The following AGBL4 variants were observed in gnomAD, a reference collection of about 807,000 sequenced individuals.
AGBL4 encodes the protein AGBL carboxypeptidase 4.
A neutral mutation model predicts 66.4 loss-of-function variants in AGBL4; 58 were observed. That is an observed-to-expected ratio of 0.87 (90% CI 0.71 to 1.09). AGBL4 has a LOEUF of 1.09. Ranked by LOEUF, AGBL4 falls within the 50% of genes least tolerant of loss-of-function variation. The pLI, the probability that AGBL4 is intolerant of heterozygous loss-of-function variation, is 0.00. For synonymous variants in AGBL4, 234 were observed against 222.9 expected (o/e 1.05, Z -0.44); for missense variants, 579 against 631.0 (o/e 0.92, Z 0.88).
chr1:49,048,852 T>A (rs1214683382), intron 4 of AGBL4, among the ~76,000 whole-genome samples: 2 of 151,730 alleles, frequency 1.3e-5, no homozygotes, highest in Non-Finnish European at 2.9e-5. Flanking sequence ...GAGCAGCAGA[T>A]CCTGTATTAA....
At chr1:48,818,263 C>A (rs1403285360) in intron 6 of AGBL4, 1 of 717,368 alleles carries the variant, frequency 1.4e-6, no homozygotes, top group Non-Finnish European at 2.6e-6. Context: ...AATTTGCAAT[C>A]AATATTATCT....
At chr1:48,801,280 G>A (rs1645799835) in intron 6 of AGBL4, among the ~76,000 whole-genome samples, 1 of 152,148 alleles carries the variant, frequency 6.6e-6, no homozygotes, top group Non-Finnish European at 1.5e-5. Flanking sequence ...TTCTGGCCTT[G>A]CCCCTCCCTG....
At chr1:49,913,059 A>T (rs928020322) in intron 1 of AGBL4, among the ~76,000 whole-genome samples, 4 of 152,202 alleles carry the variant, frequency 2.6e-5, no homozygotes, top group African/African-American at 9.7e-5. Context: ...TGGCACCCCA[A>T]ATCTCATTTC....
At chr1:49,441,429 G>T (rs1191434481) in intron 3 of AGBL4, among the ~76,000 whole-genome samples, 1 of 152,190 alleles carries the variant, frequency 6.6e-6, no homozygotes, top group Non-Finnish European at 1.5e-5. Flanking sequence ...GGGATTAAAA[G>T]ATGGTCCACT....
At chr1:48,910,024 G>A (rs1206023657) in intron 5 of AGBL4, among the ~76,000 whole-genome samples, 1 of 152,040 alleles carries the variant, frequency 6.6e-6, no homozygotes, top group African/African-American at 2.4e-5. Flanking sequence ...TCTAACTATT[G>A]CAGTCAAATT....
intron 3 of AGBL4, among the ~76,000 whole-genome samples, chr1:49,513,550 T>C (rs1260777764): frequency 6.6e-6 from 1 of 152,036 alleles, no homozygotes; most frequent in Non-Finnish European, 1.5e-5. Flanking sequence ...CTTAGGATTA[T>C]GGCCTCCAGC....
At chr1:49,038,312 A>G (rs1664825875) in intron 5 of AGBL4, among the ~76,000 whole-genome samples, 1 of 152,120 alleles carries the variant, frequency 6.6e-6, no homozygotes, top group South Asian at 2.1e-4. Context: ...AACTGTCCAA[A>G]GTTTGAACAT....
intron 5 of AGBL4, among the ~76,000 whole-genome samples, chr1:48,892,070 A>G (rs1054095082): frequency 2.0e-5 from 3 of 147,330 alleles, no homozygotes; most frequent in Non-Finnish European, 4.6e-5. Flanking sequence ...AAGTGCAGAG[A>G]GTGCAGAGGC....
chr1:49,691,019 G>A (rs567932034), intron 3 of AGBL4, among the ~76,000 whole-genome samples: 1 of 150,908 alleles, frequency 6.6e-6, no homozygotes. Flanking sequence ...CATTTTGCTT[G>A]ATGATGATGA....
chr1:48,814,496 T>C (rs1646129260), intron 6 of AGBL4, among the ~76,000 whole-genome samples: 1 of 152,114 alleles, frequency 6.6e-6, no homozygotes, highest in South Asian at 2.1e-4. Context: ...ATTATATAAC[T>C]ATTATTGTTA....
chr1:49,889,945 G>A (rs1319314644), intron 1 of AGBL4, among the ~76,000 whole-genome samples: 1 of 152,136 alleles, frequency 6.6e-6, no homozygotes, highest in Non-Finnish European at 1.5e-5. Flanking sequence ...AGCTCTCTCA[G>A]ATTATGCTTA....
chr1:49,775,417 G>A (rs1644170968), intron 2 of AGBL4, among the ~76,000 whole-genome samples: 1 of 151,888 alleles, frequency 6.6e-6, no homozygotes, highest in Admixed American at 6.6e-5. Context: ...AATGAGTAAT[G>A]GGATCCAAAA....
At chr1:48,525,997 T>G in the AGBL4 span, among the ~76,000 whole-genome samples, 1 of 152,202 alleles carries the variant, frequency 6.6e-6, no homozygotes. Context: ...GTTACAATTC[T>G]GAGGGTAGCA....
intron 6 of AGBL4, among the ~76,000 whole-genome samples, chr1:48,840,465 A>G (rs900026596): frequency 2.0e-5 from 3 of 152,216 alleles, no homozygotes; most frequent in African/African-American, 4.8e-5. Context: ...CATGTAAGAT[A>G]CCTAACAGTG....
chr1:49,677,522 G>T (rs746350454), intron 3 of AGBL4, among the ~76,000 whole-genome samples: 2 of 151,834 alleles, frequency 1.3e-5, no homozygotes, highest in Non-Finnish European at 2.9e-5. Flanking sequence ...CACAAATTTT[G>T]CATCCATATT....
chr1:49,506,126 A>G (rs1290986780), intron 3 of AGBL4, among the ~76,000 whole-genome samples: 1 of 151,986 alleles, frequency 6.6e-6, no homozygotes, highest in East Asian at 1.9e-4. Flanking sequence ...TATGTGTAAC[A>G]TCTATTAGAG....
At chr1:48,538,769 G>A (rs951561188) in intron 12 of AGBL4, among the ~76,000 whole-genome samples, 2 of 152,196 alleles carry the variant, frequency 1.3e-5, no homozygotes, top group Admixed American at 1.3e-4. Flanking sequence ...TAGGGAGGAA[G>A]GTGCATCAGT....
At chr1:49,124,463 C>T (rs912922417) in intron 4 of AGBL4, among the ~76,000 whole-genome samples, 12 of 152,214 alleles carry the variant, frequency 7.9e-5, no homozygotes, top group African/African-American at 2.9e-4. Flanking sequence ...CCCACACGAG[C>T]ATGCTACATT....
rs372334741 is a variant in AGBL4, at chr1:49,737,990, T to C, written c.158-40553A>G. Among the ~76,000 whole-genome samples the C allele has an allele frequency of 3.4e-4, 52 of 151,778 alleles. 1 individual carries two copies. In the South Asian group the frequency reaches 9.6e-3, roughly 28 times the overall value. On this transcript the variant is annotated intron_variant, in intron 2 of 13. Transcript: ENST00000371839. ...AGTGGGTGCAGGACAGTGGGTGCAGTGCACCGAGCGTGAGCATTTCCAACT... is the reference window on the plus strand; with the variant it reads ...AGTGGGTGCAGGACAGTGGGTGCAGCGCACCGAGCGTGAGCATTTCCAACT...
Sources: allele counts gnomAD v4.1 joint callset (sites outside exome capture counted in the v4.1 genomes callset), GRCh38; gene constraint gnomAD v4.1.1; transcripts MANE v1.5; gene names NCBI Gene and HGNC (gene_info 2026-07-23, HGNC 2026-07-21).